The following TASP1 variants were observed in gnomAD, a reference collection of about 807,000 sequenced individuals.
TASP1 encodes threonine aspartase 1.
Under a neutral mutation model 56.6 loss-of-function variants are expected in TASP1, and 16 were observed. The observed-to-expected ratio is 0.28, with a 90% confidence interval of 0.19 to 0.43. TASP1 has a LOEUF of 0.43. Among genes scored for constraint, TASP1 ranks in the 20% least tolerant of loss-of-function variants. The probability of loss-of-function intolerance (pLI) is 1.00; values close to 1 mark genes in which losing one functional copy is unlikely to be tolerated. For missense variants in TASP1, 393 were observed against 511.6 expected (o/e 0.77, Z 2.24); for synonymous variants, 179 against 184.2 (o/e 0.97, Z 0.23).
chr20:13,567,567 T>TA (rs966592313), intron 7 of TASP1, among the ~76,000 whole-genome samples: 13 of 148,090 alleles, frequency 8.8e-5, no homozygotes, highest in South Asian at 4.3e-4. Flanking sequence ...CATAAAGAAT[T>TA]AAAAAAAAAA....
chr20:13,580,868 G>C, intron 6 of TASP1, 29 bp downstream of exon 6: 1 of 1,610,742 alleles, frequency 6.2e-7, no homozygotes, highest in Non-Finnish European at 8.5e-7. Context: ...ACTAAAGACA[G>C]GGAAAGTCAG....
chr20:13,206,983 A>G, the TASP1 span, among the ~76,000 whole-genome samples: 1 of 152,326 alleles, frequency 6.6e-6, no homozygotes, highest in South Asian at 2.1e-4. Context: ...CCCAACTGCA[A>G]GATTTTATAT....
chr20:13,144,460 A>G, the TASP1 span, among the ~76,000 whole-genome samples: 1 of 152,186 alleles, frequency 6.6e-6, no homozygotes, highest in African/African-American at 2.4e-5. Context: ...AGATCAGTAA[A>G]TTGAGGCTCA....
At chr20:13,633,645 T>G (rs1409797850) in intron 1 of TASP1, among the ~76,000 whole-genome samples, 1 of 152,178 alleles carries the variant, frequency 6.6e-6, no homozygotes, top group Non-Finnish European at 1.5e-5. Context: ...ATCAAATATC[T>G]GTGATGTTTT....
chr20:13,520,144 C>A (rs557385721), intron 10 of TASP1, among the ~76,000 whole-genome samples: 2 of 152,182 alleles, frequency 1.3e-5, no homozygotes, highest in Non-Finnish European at 2.9e-5. Context: ...AATGAAAGAA[C>A]ATTCCATGCT....
At chr20:13,471,208 T>A (rs1378057003) in intron 11 of TASP1, among the ~76,000 whole-genome samples, 1 of 152,118 alleles carries the variant, frequency 6.6e-6, no homozygotes, top group African/African-American at 2.4e-5. Context: ...AGGGAAAGCT[T>A]CTTTGAGAAA....
the TASP1 span, among the ~76,000 whole-genome samples, chr20:13,240,957 G>A: frequency 1.3e-5 from 2 of 152,188 alleles, no homozygotes; most frequent in African/African-American, 4.8e-5. Context: ...GAAGATAATA[G>A]CAGGGAGGCT....
chr20:13,202,490 T>C, the TASP1 span, among the ~76,000 whole-genome samples: 1 of 152,232 alleles, frequency 6.6e-6, no homozygotes, highest in Non-Finnish European at 1.5e-5. Context: ...TTCTGAAATT[T>C]TAACATTCAG....
In TASP1 at chr20:13,433,628, A is replaced by G. The variant is rs1471114022; in HGVS notation, c.1096+1416T>C. Among the ~76,000 whole-genome samples the G allele has an allele frequency of 2.6e-5, 4 of 151,810 alleles. No homozygotes were observed. The East Asian group carries it at 7.7e-4, about 29-fold the overall frequency. On this transcript the variant is annotated intron_variant, in intron 12 of 13. Coordinates refer to ENST00000337743, the MANE Select transcript of TASP1 (RefSeq NM_017714.3). ...TCTGAGGAATGAACAAAGAGATTTTATGAAAATGTTTTGGGCACCTATAGA... is the reference window on the plus strand; with the variant it reads ...TCTGAGGAATGAACAAAGAGATTTTGTGAAAATGTTTTGGGCACCTATAGA...
At chr20:13,294,278 T>C in the TASP1 span, among the ~76,000 whole-genome samples, 1 of 152,222 alleles carries the variant, frequency 6.6e-6, no homozygotes, top group Non-Finnish European at 1.5e-5. Context: ...GGAAATTCAG[T>C]GTCGCTAGGG....
At chr20:13,361,559 C>G in the TASP1 span, among the ~76,000 whole-genome samples, 1 of 152,172 alleles carries the variant, frequency 6.6e-6, no homozygotes, top group African/African-American at 2.4e-5. Flanking sequence ...AGAATTCAGG[C>G]CTGTCCTCAG....
the TASP1 span, among the ~76,000 whole-genome samples, chr20:13,359,109 G>A: frequency 2.2e-4 from 32 of 144,988 alleles, no homozygotes; most frequent in Middle Eastern, 7.0e-3. Context: ...CACCCCAATC[G>A]CTTATTTCCA....
intron 10 of TASP1, among the ~76,000 whole-genome samples, chr20:13,499,279 T>C (rs192784826): frequency 6.6e-6 from 1 of 151,846 alleles, no homozygotes; most frequent in African/African-American, 2.4e-5. Flanking sequence ...TGGTCATAAA[T>C]ATGAAAACAA....
chr20:13,374,433 T>C, the TASP1 span, among the ~76,000 whole-genome samples: 3 of 151,874 alleles, frequency 2.0e-5, no homozygotes, highest in Non-Finnish European at 4.4e-5. Flanking sequence ...CTGCAAGCTC[T>C]GCCTCCCGGG....
intron 13 of TASP1, among the ~76,000 whole-genome samples, chr20:13,409,789 G>T (rs902099676): frequency 6.6e-6 from 1 of 151,938 alleles, no homozygotes; most frequent in Non-Finnish European, 1.5e-5. Context: ...GGTATTTGGG[G>T]TATCCATCAC....
chr20:13,530,110 T>TC (rs1321450101), intron 9 of TASP1, among the ~76,000 whole-genome samples: 9 of 152,034 alleles, frequency 5.9e-5, no homozygotes, highest in African/African-American at 2.2e-4. Flanking sequence ...TGTGAGCTGT[T>TC]CCCCAAGACT....
the TASP1 span, chr20:13,270,375 T>C: frequency 9.7e-7 from 1 of 1,029,844 alleles, no homozygotes; most frequent in South Asian, 1.7e-5. Flanking sequence ...AAAACAAGTT[T>C]GGAATGCCCT....
At chr20:13,245,278 G>GT in the TASP1 span, 2 of 152,204 alleles carry the variant, frequency 1.3e-5, no homozygotes, top group Non-Finnish European at 2.9e-5. Flanking sequence ...ACAGGCTACA[G>GT]TAAAGGTAGC....
the TASP1 span, among the ~76,000 whole-genome samples, chr20:13,214,519 G>GCA: frequency 0.051 from 5,879 of 115,570 alleles, 164 homozygotes; most frequent in South Asian, 0.071. Context: ...ACAGAGACAG[G>GCA]CACACACACA....
Sources: gnomAD v4.1 joint callset for allele counts (sites outside exome capture counted in the v4.1 genomes callset) on GRCh38, gnomAD v4.1.1 for gene constraint, MANE v1.5 for transcripts, NCBI Gene and HGNC (gene_info 2026-07-23, HGNC 2026-07-21) for gene names.